ARHGAP32: variants seen among roughly 807,000 people sequenced by gnomAD.
ARHGAP32 encodes the protein rho GTPase-activating protein 32.
In ARHGAP32, 51 loss-of-function variants were observed where a neutral mutation model predicts 186.5. That is an observed-to-expected ratio of 0.27 (90% CI 0.22 to 0.35). ARHGAP32 has a LOEUF of 0.35. ARHGAP32 is among the 10% of genes least tolerant of loss of function. The pLI, the probability that ARHGAP32 is intolerant of heterozygous loss-of-function variation, is 1.00. For synonymous variants in ARHGAP32, 950 were observed against 964.3 expected, an observed-to-expected ratio of 0.99 and a Z score of 0.27; for missense variants, 2,186 against 2,623.5, an observed-to-expected ratio of 0.83 and a Z score of 3.64.
At chr11:129,183,632 C>T (rs1193633185) in intron 1 of ARHGAP32, among the ~76,000 whole-genome samples, 1 of 152,036 alleles carries the variant, frequency 6.6e-6, no homozygotes, top group Non-Finnish European at 1.5e-5. Context: ...CTATTTTAAG[C>T]CCTGTTTTGC....
rs766742577 is a variant in ARHGAP32, at chr11:128,969,451, C to A, written c.5762G>T (p.Gly1921Val). The change falls in exon 23 of 23, where the codon GGG (glycine) becomes GTG (valine). Residue 1921 changes from glycine to valine, a missense_variant. Coordinates refer to ENST00000682385, the MANE Select transcript of ARHGAP32 (RefSeq NM_001378024.1). The surrounding 1 kb of genome is among the most constrained non-coding windows in gnomAD (Gnocchi z 4.8). ...AGAAGTGTCTGGAATCCCTTTGGAC[C>A]CATAATCTAACTGGCCAGCTCCCTG... Reference protein sequence around the residue: ...YPQGAGQLDYGSKGIPDTSEP... With the variant: ...YPQGAGQLDYVSKGIPDTSEP... 1 of 1,614,136 alleles carries A rather than the reference C, an allele frequency of 6.2e-7. No homozygotes were observed. Among genetic ancestry groups the A allele is most frequent in the Non-Finnish European group, 8.5e-7 (1 of 1,180,028 alleles).
At chr11:128,984,582 TACAC>T (rs1555063102) in intron 15 of ARHGAP32, among the ~76,000 whole-genome samples, 3 of 152,122 alleles carry the variant, frequency 2.0e-5, no homozygotes, top group Non-Finnish European at 4.4e-5. Context: ...AAGTAGGAGA[TACAC>T]ACACATATAA....
intron 1 of ARHGAP32, among the ~76,000 whole-genome samples, chr11:129,258,699 T>C (rs894836311): frequency 1.3e-5 from 2 of 152,184 alleles, no homozygotes; most frequent in African/African-American, 4.8e-5. Flanking sequence ...TTCTTAAGAG[T>C]AGCTGATAAA....
At chr11:128,978,152 AC>A (rs1476014455) in intron 19 of ARHGAP32, among the ~76,000 whole-genome samples, 1 of 152,184 alleles carries the variant, frequency 6.6e-6, no homozygotes, top group Non-Finnish European at 1.5e-5. Context: ...AATAGCTAGC[AC>A]ATGCTCTACA....
At chr11:129,196,621 C>G (rs547454640), upstream of ARHGAP32, among the ~76,000 whole-genome samples, 5 of 152,300 alleles carry the variant, frequency 3.3e-5, no homozygotes, top group Admixed American at 2.0e-4. Flanking sequence ...ATATGCCAAG[C>G]ATTGGATTAA....
In ARHGAP32 at chr11:129,066,730, C is replaced by T; in HGVS notation, c.669+1G>A. The T allele has an allele frequency of 6.2e-7, 1 of 1,611,964 alleles. No individual in the cohort carries two copies. On this transcript the variant is annotated splice_donor_variant, in intron 7 of 22. Transcript: ENST00000682385. LOFTEE classifies it high-confidence loss of function. ...CTGTACTAAATGTACTAAATGCTTA[C>T]CTCTGGACTGTCCTTCAGGGTGTCA...
chr11:129,009,979 T>C lies in ARHGAP32; in HGVS notation c.1046-11511A>G, dbSNP rs1937992685. 2.6e-5 allele frequency among the ~76,000 whole-genome samples: 4 copies of C among 152,202 alleles called. No individual in the cohort carries two copies. In the South Asian group the frequency reaches 8.3e-4, roughly 32 times the overall value. On this transcript the variant is annotated intron_variant, in intron 11 of 22. Coordinates refer to ENST00000682385, the MANE Select transcript of ARHGAP32 (RefSeq NM_001378024.1). Reference sequence around the variant, plus strand: ...TTTTCTCTGCAACCTTGTCAGCATCTGTTGTTTCTTGACTTTTTAATAATC... The same window carrying C: ...TTTTCTCTGCAACCTTGTCAGCATCCGTTGTTTCTTGACTTTTTAATAATC...
At chr11:129,037,616 C>T (rs898613205) in intron 11 of ARHGAP32, among the ~76,000 whole-genome samples, 3 of 151,904 alleles carry the variant, frequency 2.0e-5, no homozygotes, top group East Asian at 1.9e-4. Flanking sequence ...GTTCAATATA[C>T]TCTCTATCAG....
chr11:129,104,195 A>T (rs571644335), intron 5 of ARHGAP32, among the ~76,000 whole-genome samples: 1 of 152,258 alleles, frequency 6.6e-6, no homozygotes, highest in East Asian at 1.9e-4. Context: ...GTACCTCAGA[A>T]GAAAAGGGAT....
intron 1 of ARHGAP32, among the ~76,000 whole-genome samples, chr11:129,205,642 T>TA (rs925344090): frequency 6.6e-6 from 1 of 152,104 alleles, no homozygotes; most frequent in Admixed American, 6.6e-5. Context: ...TGAAACAGGA[T>TA]AAAGTCCTAT....
At position 129,099,915 on chromosome 11, in the gene ARHGAP32, A is replaced by G. The variant is rs113332440; in HGVS notation, c.445-6208T>C. Among the ~76,000 whole-genome samples, 22 of 152,182 alleles carry G rather than the reference A, an allele frequency of 1.4e-4. 2 individuals carry two copies. Among genetic ancestry groups the G allele is most frequent in the African/African-American group, 5.1e-4 (21 of 41,530 alleles). The stretch of plus-strand genomic sequence containing the variant: ...AGGCTGAAGGGGGAGAAAGCTGGGA[A>G]CCCTGCATGGGGCTACTGTGCACTG... On this transcript the variant is annotated intron_variant, in intron 5 of 22. Transcript: ENST00000682385.
chr11:129,136,262 T>G (rs962403151), intron 2 of ARHGAP32, among the ~76,000 whole-genome samples: 3 of 152,160 alleles, frequency 2.0e-5, no homozygotes, highest in Non-Finnish European at 4.4e-5. Flanking sequence ...CCACGTAAGA[T>G]TCTATTACAC....
At chr11:129,012,658 T>C (rs957291734) in intron 11 of ARHGAP32, among the ~76,000 whole-genome samples, 1 of 152,008 alleles carries the variant, frequency 6.6e-6, no homozygotes, top group African/African-American at 2.4e-5. Context: ...TAACTGATCA[T>C]AAAAGATCAA....
chr11:129,087,654 C>T (rs901131808), intron 6 of ARHGAP32, among the ~76,000 whole-genome samples: 19 of 152,192 alleles, frequency 1.2e-4, no homozygotes, highest in African/African-American at 4.6e-4. Flanking sequence ...TGATACTATA[C>T]TGGTGATACA....
At chr11:129,023,819 T>C (rs1938707565) in intron 11 of ARHGAP32, 7 of 891,636 alleles carry the variant, frequency 7.9e-6, no homozygotes, top group Non-Finnish European at 9.4e-6. Context: ...TGAATGTTGC[T>C]TGAGTCAAAT....
rs140762850 is a variant in ARHGAP32 at position 129,012,489 on chromosome 11, T to G, written c.1046-14021A>C. On this transcript the variant is annotated intron_variant, in intron 11 of 22. Coordinates refer to ENST00000682385, the MANE Select transcript of ARHGAP32 (RefSeq NM_001378024.1). ...CTTGGGTGCTAAATAAAATTCCTTA[T>G]CAAAACAAACCCAGAATGCAAGTCA... Among the ~76,000 whole-genome samples, 4 of 152,070 alleles carry G rather than the reference T, an allele frequency of 2.6e-5. No homozygotes were observed. The East Asian group carries it at 7.8e-4, about 30-fold the overall frequency.
At chr11:129,188,595 G>A (rs950914990) in intron 1 of ARHGAP32, among the ~76,000 whole-genome samples, 6 of 152,112 alleles carry the variant, frequency 3.9e-5, no homozygotes, top group African/African-American at 1.4e-4. Flanking sequence ...TCCAGGGGTT[G>A]GGAACCCCTG....
intron 2 of ARHGAP32, among the ~76,000 whole-genome samples, chr11:129,153,653 C>T (rs1159074138): frequency 2.0e-5 from 3 of 152,094 alleles, no homozygotes; most frequent in African/African-American, 7.2e-5. Context: ...ACCTATTCAA[C>T]AAATGGTGCT....
intron 11 of ARHGAP32, among the ~76,000 whole-genome samples, chr11:128,999,134 G>A (rs549446409): frequency 1.3e-5 from 2 of 152,318 alleles, no homozygotes; most frequent in Non-Finnish European, 2.9e-5. Context: ...AAGCGAATAG[G>A]AGAAATATCG....
Sources: gnomAD v4.1 joint callset for allele counts (sites outside exome capture counted in the v4.1 genomes callset) on GRCh38, gnomAD v4.1.1 for gene constraint, Gnocchi (gnomAD v3.1) non-coding constraint, MANE v1.5 for transcripts, NCBI Gene and HGNC (gene_info 2026-07-23, HGNC 2026-07-21) for gene names.